The following ZBTB7A variants were observed in gnomAD, a reference collection of about 807,000 sequenced individuals.
ZBTB7A encodes the protein zinc finger and BTB domain containing 7A, also known as zinc finger and BTB domain-containing protein 7A.
In ZBTB7A, 7 loss-of-function variants were observed where a neutral mutation model predicts 26.7. The ratio of observed to expected loss-of-function variants is 0.26; its 90% CI spans 0.15 to 0.49. The LOEUF is 0.49. ZBTB7A is among the 20% of genes least tolerant of loss of function. The pLI, the probability that ZBTB7A is intolerant of heterozygous loss-of-function variation, is 0.98. For missense variants in ZBTB7A, 617 were observed against 919.5 expected (o/e 0.67, Z 4.25); for synonymous variants, 452 against 441.0 (o/e 1.02, Z -0.31).
chr19:4,053,877 G>A (rs2040535974), intron 2 of ZBTB7A, 94 bp downstream of exon 2: 1 of 1,421,494 alleles, frequency 7.0e-7, no homozygotes, highest in Admixed American at 2.1e-5. Context: ...GTGCATGTGT[G>A]CGTGCGGTGC....
chr19:4,066,433 G>A lies in ZBTB7A; in HGVS notation c.-16+249C>T, dbSNP rs867167390. On this transcript the variant is annotated intron_variant, in intron 1 of 2. Coordinates refer to ENST00000322357, the MANE Select transcript of ZBTB7A (RefSeq NM_015898.4). ...AAAGCCATGCACCCGGGTTGGGGGG[G>A]GCTGGCGCACAAGCTCATGCACTTA... 1.0e-4 allele frequency among the ~76,000 whole-genome samples: 15 copies of A among 150,742 alleles called. No individual in the cohort carries two copies. In the South Asian group the frequency reaches 1.9e-3, roughly 19 times the overall value.
rs1458937526 is a variant in ZBTB7A, at chr19:4,053,510, TGTGTGCGTGC to T, written c.1262+451_1262+460del. ...ATCTGTGTGCGTGCCTGGGTGTGCG[TGTGTGCGTGC>T]GTGCGTGCGTGCATGTGTATGTGAT... On this transcript the variant is annotated intron_variant, in intron 2 of 2. Transcript: ENST00000322357. 3.4e-3 allele frequency among the ~76,000 whole-genome samples: 167 copies of T among 49,014 alleles called. 2 individuals carry two copies. In the Middle Eastern group the frequency reaches 0.044, roughly 13 times the overall value. 32.2% of individuals were successfully genotyped at this position (49,014 alleles called of 152,430 possible). A position where few individuals can be genotyped will look rare whatever the true frequency, so the allele number is the denominator to read the frequency against.
rs1305165091 is a variant in ZBTB7A at position 4,048,217 on chromosome 19, C to T, written c.1290G>A (p.Arg430=). 3.8e-6 allele frequency: 6 copies of T among 1,595,966 alleles called. No homozygotes were observed. The highest frequency in any genetic ancestry group is 4.6e-5 in the East Asian group (2 of 43,646). ...GGTACGGCTTCTCGCCCGTGTGCTT[C>T]CGCATGTGCACCTTCAGCTTGTCCT... ...TRQDKLKVHM[R]KHTGEKPYLC... The change falls in exon 3 of 3, where the codon CGG becomes CGA. Residue 430 remains arginine, a synonymous_variant. Coordinates refer to ENST00000322357, the MANE Select transcript of ZBTB7A (RefSeq NM_015898.4). This position sits in a 1 kb window ranked among gnomAD's most constrained non-coding sequence, Gnocchi z 6.7.
chr19:4,060,691 G>A (rs2040629454), intron 1 of ZBTB7A, among the ~76,000 whole-genome samples: 1 of 152,360 alleles, frequency 6.6e-6, no homozygotes, highest in Admixed American at 6.5e-5. Flanking sequence ...CTGGAGGTGG[G>A]CGACCGGGGA....
Position 4,046,415 on chromosome 19 carries a change from GCTCT to G in ZBTB7A, c.*1333_*1336del, listed in dbSNP as rs1056985834. On this transcript the variant is annotated 3_prime_UTR_variant, in exon 3 of 3. Coordinates refer to ENST00000322357, the MANE Select transcript of ZBTB7A (RefSeq NM_015898.4). ...TTCTTCTGCTCTCGCTCTCTCTCTC[GCTCT>G]CTCTCTCGCTCGCTTTTTTTTTTTT... 9.4e-5 allele frequency: 15 copies of G among 160,202 alleles called. No homozygotes were observed. Among genetic ancestry groups the G allele is most frequent in the South Asian group, 2.2e-4 (1 of 4,512 alleles). 9.9% of individuals were successfully genotyped at this position (160,202 alleles called of 1,614,324 possible).
rs549097050 is a variant in ZBTB7A, at chr19:4,065,108, C to A, written c.-16+1574G>T. On this transcript the variant is annotated intron_variant, in intron 1 of 2. Coordinates refer to ENST00000322357, the MANE Select transcript of ZBTB7A (RefSeq NM_015898.4). ...GGAGGGGGCTGGATCCCACCAGCTC[C>A]CCCCTCCCCTGCCCGGGCTCAGGCT... Among the ~76,000 whole-genome samples, 368 of 151,816 alleles carry A rather than the reference C, an allele frequency of 2.4e-3. 1 individual carries two copies. Among genetic ancestry groups the A allele is most frequent in the African/African-American group, 7.1e-3 (295 of 41,472 alleles).
intron 2 of ZBTB7A, among the ~76,000 whole-genome samples, chr19:4,049,539 T>C (rs1599249924): frequency 1.3e-5 from 2 of 152,006 alleles, no homozygotes; most frequent in African/African-American, 4.8e-5. Context: ...ATCCCTGCCC[T>C]CTCGAGGCTG....
In ZBTB7A at chr19:4,044,032, G is replaced by A. The variant is rs1234409879; in HGVS notation, c.*3720C>T. ...CTTGCCTCCAACCATTCTGGTTGCC[G>A]GGCGGGAGGGGGCACCCCGAGGCCC... is the stretch of plus-strand genomic sequence containing the variant. On this transcript the variant is annotated 3_prime_UTR_variant, in exon 3 of 3. Transcript: ENST00000322357. Among the ~76,000 whole-genome samples the A allele has an allele frequency of 6.6e-6, 1 of 150,980 alleles. No individual in the cohort carries two copies. The highest frequency in any genetic ancestry group is 1.5e-5 in the Non-Finnish European group (1 of 67,806).
At position 4,045,611 on chromosome 19, in the gene ZBTB7A, G is replaced by A. The variant is rs1170843539; in HGVS notation, c.*2141C>T. The A allele has an allele frequency of 3.1e-6, 1 of 324,858 alleles. No homozygotes were observed. Among genetic ancestry groups the A allele is most frequent in the African/African-American group, 2.1e-5 (1 of 46,788 alleles). The allele number at this position is 324,858 out of a possible 1,614,324, so 20.1% of individuals were successfully genotyped here. On this transcript the variant is annotated 3_prime_UTR_variant, in exon 3 of 3. Transcript: ENST00000322357. This position sits in a 1 kb window ranked among gnomAD's most constrained non-coding sequence, Gnocchi z 4.1. ...AGAAGATGTGTGTGTCACAGAGAAG[G>A]GGGTATGGGGGGGTCGGGGGCAGGG...
In ZBTB7A at chr19:4,054,827, C is replaced by T. The variant is rs147200385; in HGVS notation, c.406G>A (p.Ala136Thr). Reference sequence around the variant, plus strand: ...TCCAGCTGCCCGGCGTCGGCGCCCGCGTCGGCCGCCAGGATCTGCCGGTCC... The same window carrying T: ...TCCAGCTGCCCGGCGTCGGCGCCCGTGTCGGCCGCCAGGATCTGCCGGTCC... ...LLDRQILAAD[A>T]GADAGQLDLV... The change falls in exon 2 of 3, where the codon GCG (alanine) becomes ACG (threonine). Residue 136 changes from alanine (A) to threonine (T), a missense_variant. This residue lies in a region of ZBTB7A where 331 missense variants were observed against 391.3 expected (regional missense o/e 0.85). Coordinates refer to ENST00000322357, the MANE Select transcript of ZBTB7A (RefSeq NM_015898.4). The T allele has an allele frequency of 2.9e-5, 46 of 1,600,944 alleles. No homozygotes were observed. Among genetic ancestry groups the T allele is most frequent in the Admixed American group, 8.6e-5 (5 of 58,320 alleles).
intron 1 of ZBTB7A, among the ~76,000 whole-genome samples, chr19:4,059,165 T>C (rs528570899): frequency 2.0e-5 from 3 of 152,054 alleles, no homozygotes; most frequent in African/African-American, 7.2e-5. Flanking sequence ...CACCCCAGCA[T>C]GGGGGGAGAC....
At chr19:4,049,233 AGCTACGTTACCCAG>A (rs2040471433) in intron 2 of ZBTB7A, among the ~76,000 whole-genome samples, 1 of 109,040 alleles carries the variant, frequency 9.2e-6, no homozygotes, top group Non-Finnish European at 1.9e-5. Context: ...ATGGGGGTTG[AGCTACGTTACCCAG>A]GCTAATCTCA....
intron 2 of ZBTB7A, among the ~76,000 whole-genome samples, chr19:4,050,579 T>G (rs2040492301): frequency 6.6e-6 from 1 of 152,104 alleles, no homozygotes; most frequent in South Asian, 2.1e-4. Flanking sequence ...TCCTGAACCC[T>G]TGGAATGTGG....
At chr19:4,055,468 CTTTTT>C in intron 1 of ZBTB7A, 2 of 985,384 alleles carry the variant, frequency 2.0e-6, no homozygotes, top group Non-Finnish European at 2.4e-6. Context: ...AGCCTCTTTT[CTTTTT>C]TGTGTGTCTT....
At chr19:4,050,125 A>G (rs954392933) in intron 2 of ZBTB7A, among the ~76,000 whole-genome samples, 13 of 151,492 alleles carry the variant, frequency 8.6e-5, no homozygotes, top group South Asian at 2.1e-4. Context: ...GGGTTTCACC[A>G]TGTTGGCCGG....
chr19:4,045,157 GAAGTCCCAGA>G lies in ZBTB7A; in HGVS notation c.*2585_*2594del, dbSNP rs2040399183. 1 of 152,336 alleles carries G rather than the reference GAAGTCCCAGA, an allele frequency of 6.6e-6. No homozygotes were observed. The highest frequency in any genetic ancestry group is 2.1e-4 in the South Asian group (1 of 4,838). The allele number at this position is 152,336 out of a possible 1,614,324, so 9.4% of individuals were successfully genotyped here. On this transcript the variant is annotated 3_prime_UTR_variant, in exon 3 of 3. Coordinates refer to ENST00000322357, the MANE Select transcript of ZBTB7A (RefSeq NM_015898.4). The surrounding 1 kb of genome is among the most constrained non-coding windows in gnomAD (Gnocchi z 4.1). ...GTGGGCCGCAGCCCTTGTTCCTACGGAAGTCCCAGAGGGCTCCACCCCCCAAGTCCGGTCG... is the reference window on the plus strand; with the variant it reads ...GTGGGCCGCAGCCCTTGTTCCTACGGGGGCTCCACCCCCCAAGTCCGGTCG...
chr19:4,057,333 A>C (rs1599258843), intron 1 of ZBTB7A, among the ~76,000 whole-genome samples: 1 of 152,088 alleles, frequency 6.6e-6, no homozygotes, highest in Non-Finnish European at 1.5e-5. Flanking sequence ...ACAAGAGCGA[A>C]ACTCCGTGTT....
chr19:4,047,831 G>A lies in ZBTB7A; in HGVS notation c.1676C>T (p.Ala559Val). 21 of 1,604,232 alleles carry A rather than the reference G, an allele frequency of 1.3e-5. No individual in the cohort carries two copies. The highest frequency in any genetic ancestry group is 1.7e-5 in the Non-Finnish European group (20 of 1,176,028). The change falls in exon 3 of 3, where the codon GCG becomes GTG. Residue 559 changes from alanine to valine, a missense_variant. Physicochemically the swap from Ala to Val is moderately conservative, Grantham distance 64. Around this residue, in one of 5 missense-constraint regions of ZBTB7A, gnomAD observed 136 missense variants for 126.6 expected, o/e 1.07. Transcript: ENST00000322357. Reference protein sequence around the residue: ...SPDGLGRLNVAGAGGGGDSGG... With the variant: ...SPDGLGRLNVVGAGGGGDSGG... ...GCTGTCACCTCCTCCACCGGCGCCCGCTACATTCAACCGGCCCAAGCCGTC... is the reference window on the plus strand; with the variant it reads ...GCTGTCACCTCCTCCACCGGCGCCCACTACATTCAACCGGCCCAAGCCGTC...
At position 4,046,271 on chromosome 19, in the gene ZBTB7A, T is replaced by C. The variant is rs1166559881; in HGVS notation, c.*1481A>G. 7.7e-6 allele frequency: 3 copies of C among 390,558 alleles called. No individual in the cohort carries two copies. Among genetic ancestry groups the C allele is most frequent in the Non-Finnish European group, 1.4e-5 (3 of 221,544 alleles). The allele number at this position is 390,558 out of a possible 1,614,324, so 24.2% of individuals were successfully genotyped here. On this transcript the variant is annotated 3_prime_UTR_variant, in exon 3 of 3. Transcript: ENST00000322357. ...ACCTCGGGGCGTCTCCCAGGTCCCCTGCGATGGCTTCCTCCTGAACCCCCC... is the reference window on the plus strand; with the variant it reads ...ACCTCGGGGCGTCTCCCAGGTCCCCCGCGATGGCTTCCTCCTGAACCCCCC...
Sources: gnomAD v4.1 joint callset for allele counts (sites outside exome capture counted in the v4.1 genomes callset) on GRCh38, gnomAD v4.1.1 for gene constraint, gnomAD v4.1.1 regional missense constraint, Gnocchi (gnomAD v3.1) non-coding constraint, MANE v1.5 for transcripts, NCBI Gene and HGNC (gene_info 2026-07-23, HGNC 2026-07-21) for gene names.